TTYH2: variants seen among roughly 807,000 people sequenced by gnomAD.
TTYH2 encodes protein tweety homolog 2.
A neutral mutation model predicts 68.3 loss-of-function variants in TTYH2; 49 were observed. The observed-to-expected ratio is 0.72, with a 90% CI of 0.57 to 0.91. The LOEUF (loss-of-function observed/expected upper bound fraction) is 0.91, where lower values mean the gene tolerates loss of function less well. Ranked by LOEUF, TTYH2 falls within the 40% of genes least tolerant of loss-of-function variation. The pLI is 0.00. For synonymous variants in TTYH2, 272 were observed against 300.8 expected, an observed-to-expected ratio of 0.90 and a Z score of 0.99; for missense variants, 631 against 700.4, an observed-to-expected ratio of 0.90 and a Z score of 1.12.
intron 1 of TTYH2, among the ~76,000 whole-genome samples, chr17:74,220,663 CG>C (rs2050266992): frequency 1.3e-5 from 2 of 152,148 alleles, no homozygotes; most frequent in Non-Finnish European, 2.9e-5. Flanking sequence ...GGGTCAGTCC[CG>C]GGGACAGGCC....
intron 6 of TTYH2, among the ~76,000 whole-genome samples, chr17:74,245,008 A>G (rs959194673): frequency 5.9e-5 from 9 of 152,308 alleles, no homozygotes; most frequent in Middle Eastern, 3.4e-3. Context: ...CTGTTCTGCC[A>G]TAGTGACCTG....
intron 12 of TTYH2, among the ~76,000 whole-genome samples, chr17:74,253,542 T>C (rs999799496): frequency 2.6e-5 from 4 of 152,204 alleles, no homozygotes; most frequent in Non-Finnish European, 5.9e-5. Context: ...CAGGCCATGC[T>C]GCTCCCAGCC....
chr17:74,238,167 G>A (rs56095110), intron 4 of TTYH2, among the ~76,000 whole-genome samples: 1,665 of 152,236 alleles, frequency 0.011, 34 homozygotes, highest in African/African-American at 0.036. Context: ...GGGTGGAAAC[G>A]CCACATGCTT....
rs1277188278 is a variant in TTYH2 at position 74,215,293 on chromosome 17, C to T, written c.129+1577C>T. 6.6e-6 allele frequency among the ~76,000 whole-genome samples: 1 copy of T among 151,998 alleles called. No homozygotes were observed. The highest frequency in any genetic ancestry group is 1.5e-5 in the Non-Finnish European group (1 of 68,000). ...TCCACTGGAGGAAATCTAAACTTTT[C>T]ATTGGGTCAAGAAGACCCCTAGGTG... is the stretch of plus-strand genomic sequence containing the variant. On this transcript the variant is annotated intron_variant, in intron 1 of 13. Transcript: ENST00000269346. The surrounding 1 kb of genome is among the most constrained non-coding windows in gnomAD (Gnocchi z 4.3).
chr17:74,241,933 G>A lies in TTYH2; in HGVS notation c.636-1441G>A, dbSNP rs1361446487. ...AAAGGAACGAGGGCACTTTGTTTGG[G>A]GTCTTCTCAGTGTCCGTTGGCTTAA... is the stretch of plus-strand genomic sequence containing the variant. On this transcript the variant is annotated intron_variant, in intron 4 of 13. Transcript: ENST00000269346. The surrounding 1 kb of genome is among the most constrained non-coding windows in gnomAD (Gnocchi z 4.1). Among the ~76,000 whole-genome samples, 1 of 152,162 alleles carries A rather than the reference G, an allele frequency of 6.6e-6. No individual in the cohort carries two copies. Among genetic ancestry groups the A allele is most frequent in the Admixed American group, 6.5e-5 (1 of 15,276 alleles).
chr17:74,219,569 G>A (rs141756927), intron 1 of TTYH2, among the ~76,000 whole-genome samples: 30 of 151,812 alleles, frequency 2.0e-4, no homozygotes, highest in African/African-American at 6.3e-4. Flanking sequence ...CTTGAAATCC[G>A]CACCCTCCCA....
At chr17:74,225,562 C>T (rs1226679307) in intron 2 of TTYH2, among the ~76,000 whole-genome samples, 1 of 152,166 alleles carries the variant, frequency 6.6e-6, no homozygotes, top group African/African-American at 2.4e-5. Context: ...GACCGAAGAG[C>T]TCAGAGGCCT....
rs569599556 is a variant in TTYH2, at chr17:74,237,719, G to A, written c.635+205G>A. ...TCAGCTCACTACAATCTCTACCTCC[G>A]GGGTTCAAGAGATTCTCTTGCCTCA... On this transcript the variant is annotated intron_variant, in intron 4 of 13. Coordinates refer to ENST00000269346, the MANE Select transcript of TTYH2 (RefSeq NM_032646.6). Among the ~76,000 whole-genome samples, 14 of 152,048 alleles carry A rather than the reference G, an allele frequency of 9.2e-5. No individual in the cohort carries two copies. In the South Asian group the frequency reaches 1.5e-3, roughly 16 times the overall value.
At position 74,230,943 on chromosome 17, in the gene TTYH2, C is replaced by T; in HGVS notation, c.358C>T (p.Gln120Ter). ...CAGCGAGACCAACGATGGGGCGTAC[C>T]AGCTGATGTACTCCTTGGACGATGC... ...GNSETNDGAY[Q>*]LMYSLDDANH... Residue 120 changes from glutamine to a stop codon, truncating the protein, a stop_gained, in exon 3 of 14, where the codon CAG (glutamine) becomes TAG (stop). Coordinates refer to ENST00000269346, the MANE Select transcript of TTYH2 (RefSeq NM_032646.6). LOFTEE classifies it high-confidence loss of function. 6 of 1,614,178 alleles carry T rather than the reference C, an allele frequency of 3.7e-6. No homozygotes were observed. Among genetic ancestry groups the T allele is most frequent in the Non-Finnish European group, 5.1e-6 (6 of 1,180,032 alleles).
Position 74,213,721 on chromosome 17 carries a change from G to A in TTYH2, c.129+5G>A. The stretch of plus-strand genomic sequence containing the variant: ...GGCGACGAGAGTTACCAGGAGGTAA[G>A]TTTACGCCGCCCCAGACCGCAGCCA... On this transcript the variant is annotated splice_donor_5th_base_variant and intron_variant, in intron 1 of 13. Transcript: ENST00000269346. The surrounding 1 kb of genome is among the most constrained non-coding windows in gnomAD (Gnocchi z 6.1). The A allele has an allele frequency of 6.2e-7, 1 of 1,609,244 alleles. No individual in the cohort carries two copies. Among genetic ancestry groups the A allele is most frequent in the South Asian group, 1.1e-5 (1 of 90,574 alleles).
intron 2 of TTYH2, among the ~76,000 whole-genome samples, chr17:74,226,998 A>G (rs1210299140): frequency 2.6e-5 from 4 of 151,276 alleles, no homozygotes; most frequent in Non-Finnish European, 1.5e-5. Flanking sequence ...CCTTTTTGAC[A>G]GAGTCTCACT....
intron 2 of TTYH2, among the ~76,000 whole-genome samples, chr17:74,230,144 T>A (rs1273033264): frequency 6.6e-6 from 1 of 151,078 alleles, no homozygotes; most frequent in Non-Finnish European, 1.5e-5. Flanking sequence ...AAAATAAAAA[T>A]AAAAATAAAG....
rs763347019 is a variant in TTYH2, at chr17:74,250,008, C to T, written c.1003C>T (p.Pro335Ser). The change falls in exon 9 of 14, where the codon CCC (proline) becomes TCC (serine). Residue 335 changes from proline (P) to serine (S), a missense_variant. By Grantham distance (74) the Pro-to-Ser change is moderately conservative (BLOSUM62 -1). Transcript: ENST00000269346. Reference sequence around the variant, plus strand: ...CGCGGGGCTGCTGCAGTTTGCCGTGCCCCTCTTCTCCACTGCAGAGGTAAG... The same window carrying T: ...CGCGGGGCTGCTGCAGTTTGCCGTGTCCCTCTTCTCCACTGCAGAGGTAAG... ...QVAGLLQFAV[P>S]LFSTAEEDLL... 1.2e-6 allele frequency: 2 copies of T among 1,614,142 alleles called. No individual in the cohort carries two copies. Among genetic ancestry groups the T allele is most frequent in the Non-Finnish European group, 1.7e-6 (2 of 1,180,010 alleles).
chr17:74,253,287 C>G, intron 12 of TTYH2, 21 bp downstream of exon 12: 1 of 1,564,020 alleles, frequency 6.4e-7, no homozygotes, highest in South Asian at 1.2e-5. Flanking sequence ...CACACACACC[C>G]AGGCTGGGTA....
In TTYH2 at chr17:74,260,239, T is replaced by C. The variant is rs772639646; in HGVS notation, c.*30T>C. The C allele has an allele frequency of 6.8e-6, 11 of 1,606,796 alleles. No individual in the cohort carries two copies. Among genetic ancestry groups the C allele is most frequent in the African/African-American group, 2.7e-5 (2 of 74,702 alleles). ...CTTTCGGGGGTTCCTGCCTCCTTTTTCCGTTCTGGTTTTTAATTAGTGCAA... is the reference window on the plus strand; with the variant it reads ...CTTTCGGGGGTTCCTGCCTCCTTTTCCCGTTCTGGTTTTTAATTAGTGCAA... On this transcript the variant is annotated 3_prime_UTR_variant, in exon 14 of 14. Transcript: ENST00000269346.
intron 13 of TTYH2, among the ~76,000 whole-genome samples, chr17:74,258,438 T>G (rs896948188): frequency 6.6e-6 from 1 of 152,034 alleles, no homozygotes; most frequent in Non-Finnish European, 1.5e-5. Flanking sequence ...GCTGACTTTT[T>G]GTATTTTTAG....
chr17:74,219,485 G>C (rs564307255), intron 1 of TTYH2, among the ~76,000 whole-genome samples: 1 of 151,938 alleles, frequency 6.6e-6, no homozygotes, highest in Non-Finnish European at 1.5e-5. Context: ...TGCGTGCGTG[G>C]TATGTGTGTG....
At chr17:74,243,608 C>A in intron 5 of TTYH2, 139 bp downstream of exon 5, 1 of 824,822 alleles carries the variant, frequency 1.2e-6, no homozygotes, top group Non-Finnish European at 2.0e-6. Context: ...CCGTCCTCAG[C>A]ACTCAGCAGA....
In TTYH2 at chr17:74,232,662, G is replaced by A. The variant is rs1305045965; in HGVS notation, c.414+1663G>A. Among the ~76,000 whole-genome samples, 1 of 152,178 alleles carries A rather than the reference G, an allele frequency of 6.6e-6. No homozygotes were observed. Among genetic ancestry groups the A allele is most frequent in the Admixed American group, 6.5e-5 (1 of 15,280 alleles). Reference sequence around the variant, plus strand: ...TCTCTCTGCCCCTCCCTGCCATCCTGCTGCCTGCCTCCTCTTCACCCACCA... The same window carrying A: ...TCTCTCTGCCCCTCCCTGCCATCCTACTGCCTGCCTCCTCTTCACCCACCA... On this transcript the variant is annotated intron_variant, in intron 3 of 13. Coordinates refer to ENST00000269346, the MANE Select transcript of TTYH2 (RefSeq NM_032646.6). The surrounding 1 kb of genome is among the most constrained non-coding windows in gnomAD (Gnocchi z 5.1).
Sources: allele counts gnomAD v4.1 joint callset (sites outside exome capture counted in the v4.1 genomes callset), GRCh38; gene constraint gnomAD v4.1.1; non-coding constraint Gnocchi (gnomAD v3.1); transcripts MANE v1.5; gene names NCBI Gene and HGNC (gene_info 2026-07-23, HGNC 2026-07-21).